Variants in RPRD1B observed in about 807,000 individuals in gnomAD.
The protein encoded by RPRD1B is regulation of nuclear pre-mRNA domain-containing protein 1B.
RPRD1B carries 11 observed loss-of-function variants against 41.5 expected under a neutral mutation model. The observed-to-expected ratio is 0.27, with a 90% CI of 0.17 to 0.44. The LOEUF is 0.44. RPRD1B is among the 20% of genes least tolerant of loss of function. RPRD1B has a pLI of 1.00. For missense variants in RPRD1B, 248 were observed against 389.9 expected, an observed-to-expected ratio of 0.64 and a Z score of 3.06; for synonymous variants, 158 against 155.6, an observed-to-expected ratio of 1.02 and a Z score of -0.12.
At chr20:38,046,205 A>G (rs2074119293) in intron 2 of RPRD1B, among the ~76,000 whole-genome samples, 2 of 152,084 alleles carry the variant, frequency 1.3e-5, no homozygotes, top group Non-Finnish European at 1.5e-5. Context: ...GACTAAAAAC[A>G]GGTCTGAGGG....
rs921106298 is a variant in RPRD1B at position 38,063,228 on chromosome 20, T to C, written c.656-2853T>C. Reference sequence around the variant, plus strand: ...CTTAGCGAAGCTCACCCTGACCACCTTTTTGAAAATGTTGATCCCCCCCAC... The same window carrying C: ...CTTAGCGAAGCTCACCCTGACCACCCTTTTGAAAATGTTGATCCCCCCCAC... On this transcript the variant is annotated intron_variant, in intron 5 of 6. Coordinates refer to ENST00000373433, the MANE Select transcript of RPRD1B (RefSeq NM_021215.4). 2.6e-5 allele frequency among the ~76,000 whole-genome samples: 4 copies of C among 152,248 alleles called. No homozygotes were observed. The South Asian group carries it at 8.3e-4, about 32-fold the overall frequency.
chr20:38,084,161 T>G (rs867832403), intron 6 of RPRD1B, among the ~76,000 whole-genome samples: 4 of 152,024 alleles, frequency 2.6e-5, no homozygotes, highest in Admixed American at 6.6e-5. Context: ...TAAATATTGG[T>G]GGGGTGTGGG....
chr20:38,043,859 T>G (rs2074093998), intron 2 of RPRD1B, among the ~76,000 whole-genome samples: 1 of 152,164 alleles, frequency 6.6e-6, no homozygotes, highest in African/African-American at 2.4e-5. Context: ...CGAGTTTTGT[T>G]TTGGCCAGGC....
At chr20:38,052,717 G>T (rs2074198854) in intron 3 of RPRD1B, among the ~76,000 whole-genome samples, 1 of 138,726 alleles carries the variant, frequency 7.2e-6, no homozygotes, top group African/African-American at 2.7e-5. Flanking sequence ...CGATCAATTA[G>T]TTGTAAACAC....
At chr20:38,083,134 A>G (rs2074529940) in intron 6 of RPRD1B, among the ~76,000 whole-genome samples, 1 of 152,232 alleles carries the variant, frequency 6.6e-6, no homozygotes, top group Non-Finnish European at 1.5e-5. Flanking sequence ...TTCCATTAAA[A>G]TAGTCCTTAA....
At chr20:38,087,998 T>A (rs2074577785) in intron 6 of RPRD1B, among the ~76,000 whole-genome samples, 1 of 152,182 alleles carries the variant, frequency 6.6e-6, no homozygotes, top group Non-Finnish European at 1.5e-5. Flanking sequence ...TGGGAGTCAT[T>A]GCTAATCATT....
At chr20:38,089,636 C>G in intron 6 of RPRD1B, 90 bp from the exon 7 acceptor site, 1 of 1,057,722 alleles carries the variant, frequency 9.5e-7, no homozygotes, top group Non-Finnish European at 1.4e-6. Flanking sequence ...AGGAAGAACA[C>G]GAGGACGAGA....
chr20:38,067,814 C>T (rs1464021389), intron 6 of RPRD1B, among the ~76,000 whole-genome samples: 11 of 152,188 alleles, frequency 7.2e-5, no homozygotes, highest in Admixed American at 7.2e-4. Context: ...CAGCACTGTG[C>T]CCCGGGACTA....
At chr20:38,057,270 A>C (rs2074252849) in intron 3 of RPRD1B, among the ~76,000 whole-genome samples, 1 of 152,180 alleles carries the variant, frequency 6.6e-6, no homozygotes, top group Non-Finnish European at 1.5e-5. Flanking sequence ...TAGTTGGGTA[A>C]GTTTTCGCTT....
intron 4 of RPRD1B, among the ~76,000 whole-genome samples, chr20:38,058,383 A>G (rs1304480401): frequency 2.0e-5 from 3 of 150,900 alleles, no homozygotes; most frequent in Non-Finnish European, 4.4e-5. Flanking sequence ...TAGGGATTAA[A>G]TGACAGCAGT....
At chr20:38,072,055 C>T (rs2074418084) in intron 6 of RPRD1B, among the ~76,000 whole-genome samples, 1 of 152,128 alleles carries the variant, frequency 6.6e-6, no homozygotes, top group Admixed American at 6.5e-5. Flanking sequence ...GGTTGTTGCT[C>T]ATGCTTTTGG....
At chr20:38,036,072 C>T (rs2074000502) in intron 1 of RPRD1B, among the ~76,000 whole-genome samples, 1 of 152,098 alleles carries the variant, frequency 6.6e-6, no homozygotes, top group African/African-American at 2.4e-5. Flanking sequence ...CCAAGTGTCA[C>T]TTCTTTTGTG....
intron 4 of RPRD1B, among the ~76,000 whole-genome samples, chr20:38,057,854 G>A (rs959751007): frequency 5.3e-5 from 8 of 152,262 alleles, no homozygotes; most frequent in Admixed American, 1.3e-4. Flanking sequence ...ATGGGCTTAT[G>A]TTTTATAAAG....
intron 6 of RPRD1B, among the ~76,000 whole-genome samples, chr20:38,077,362 A>G (rs2074473122): frequency 6.6e-6 from 1 of 152,088 alleles, no homozygotes; most frequent in Admixed American, 6.5e-5. Flanking sequence ...CTCAGACAGT[A>G]TGGCTGCGAC....
chr20:38,043,224 C>T (rs982581783), intron 2 of RPRD1B, among the ~76,000 whole-genome samples: 2 of 152,118 alleles, frequency 1.3e-5, no homozygotes, highest in African/African-American at 2.4e-5. Context: ...ATGACATTTG[C>T]GGTAATCATG....
At chr20:38,088,154 A>C (rs1043700919) in intron 6 of RPRD1B, among the ~76,000 whole-genome samples, 8 of 152,178 alleles carry the variant, frequency 5.3e-5, no homozygotes, top group African/African-American at 1.9e-4. Context: ...GATTGCCTGC[A>C]GTAATGGGGA....
At chr20:38,084,979 C>T (rs1024309295) in intron 6 of RPRD1B, among the ~76,000 whole-genome samples, 4 of 152,158 alleles carry the variant, frequency 2.6e-5, no homozygotes, top group Admixed American at 1.3e-4. Context: ...TATTCGGGGC[C>T]CCCCACGGCT....
chr20:38,065,668 G>A (rs570811288), intron 5 of RPRD1B, among the ~76,000 whole-genome samples: 18 of 152,144 alleles, frequency 1.2e-4, no homozygotes, highest in African/African-American at 4.3e-4. Context: ...TTCATGGTTG[G>A]TTGAATCCAC....
intron 6 of RPRD1B, among the ~76,000 whole-genome samples, chr20:38,083,104 C>CA (rs1276178746): frequency 6.6e-6 from 1 of 152,046 alleles, no homozygotes; most frequent in Admixed American, 6.5e-5. Flanking sequence ...TTTGTTTGCA[C>CA]AAAAATCAAT....
Sources: allele counts gnomAD v4.1 joint callset (sites outside exome capture counted in the v4.1 genomes callset), GRCh38; gene constraint gnomAD v4.1.1; transcripts MANE v1.5; gene names NCBI Gene and HGNC (gene_info 2026-07-23, HGNC 2026-07-21).